CCBE1: variants seen among roughly 807,000 people sequenced by gnomAD.
CCBE1 encodes collagen and calcium binding EGF domains 1.
A neutral mutation model predicts 50.0 loss-of-function variants in CCBE1; 37 were observed. The observed-to-expected ratio is 0.74, with a 90% CI of 0.57 to 0.97. The LOEUF is 0.97. Ranked by LOEUF, CCBE1 falls within the 50% of genes least tolerant of loss-of-function variation. CCBE1 has a pLI of 0.00. For missense variants in CCBE1, 538 were observed against 523.8 expected (o/e 1.03, Z -0.26); for synonymous variants, 234 against 203.7 (o/e 1.15, Z -1.27).
intron 2 of CCBE1, among the ~76,000 whole-genome samples, chr18:59,691,402 TTG>T (rs2054730645): frequency 1.7e-4 from 1 of 5,920 alleles, no homozygotes; most frequent in Non-Finnish European, 1.3e-3. Context: ...ACAAGATTTT[TTG>T]TTTGTTTGTT....
At chr18:59,495,042 G>A (rs1047183593) in intron 2 of CCBE1, among the ~76,000 whole-genome samples, 4 of 152,154 alleles carry the variant, frequency 2.6e-5, no homozygotes, top group African/African-American at 9.7e-5. Context: ...TTGTGGGGCT[G>A]AGGCAGGATA....
intron 2 of CCBE1, among the ~76,000 whole-genome samples, chr18:59,530,435 A>G (rs183540168): frequency 2.0e-5 from 3 of 152,290 alleles, no homozygotes; most frequent in South Asian, 4.1e-4. Context: ...TGGTCACATC[A>G]CTGCTTTTCT....
intron 2 of CCBE1, among the ~76,000 whole-genome samples, chr18:59,695,416 T>A (rs2054792163): frequency 6.6e-6 from 1 of 152,182 alleles, no homozygotes; most frequent in South Asian, 2.1e-4. Context: ...CTCTCTCATT[T>A]TGTTCAGCAT....
intron 2 of CCBE1, among the ~76,000 whole-genome samples, chr18:59,659,729 A>G (rs1340233706): frequency 6.6e-6 from 1 of 152,222 alleles, no homozygotes; most frequent in Non-Finnish European, 1.5e-5. Flanking sequence ...TATGTCATAC[A>G]TAGGTAGAGG....
intron 2 of CCBE1, among the ~76,000 whole-genome samples, chr18:59,575,595 A>G (rs1369292880): frequency 6.6e-6 from 1 of 152,240 alleles, no homozygotes; most frequent in African/African-American, 2.4e-5. Context: ...AGAGAGGAGC[A>G]AGAGAATAAA....
chr18:59,505,723 T>C (rs2143851242), intron 2 of CCBE1, among the ~76,000 whole-genome samples: 1 of 152,358 alleles, frequency 6.6e-6, no homozygotes, highest in East Asian at 1.9e-4. Flanking sequence ...AAAGAGCTTC[T>C]ACAGTTAAAC....
At chr18:59,696,341 C>A in intron 2 of CCBE1, 1 of 618,308 alleles carries the variant, frequency 1.6e-6, no homozygotes, top group Non-Finnish European at 2.6e-6. Context: ...CACCCAAAAT[C>A]CAATCCAATC....
At chr18:59,573,619 C>T (rs983871837) in intron 2 of CCBE1, among the ~76,000 whole-genome samples, 3 of 151,858 alleles carry the variant, frequency 2.0e-5, no homozygotes, top group Non-Finnish European at 4.4e-5. Flanking sequence ...TCTTTTCTCA[C>T]CATTTTAGTT....
At chr18:59,494,596 CA>C (rs1340029646) in intron 2 of CCBE1, among the ~76,000 whole-genome samples, 1 of 151,556 alleles carries the variant, frequency 6.6e-6, no homozygotes, top group African/African-American at 2.4e-5. Flanking sequence ...ATAAAAAAAT[CA>C]GAGAAGTCCA....
chr18:59,501,750 A>T (rs1043425253), intron 2 of CCBE1, among the ~76,000 whole-genome samples: 1 of 152,222 alleles, frequency 6.6e-6, no homozygotes, highest in Non-Finnish European at 1.5e-5. Context: ...CATTTAATGA[A>T]AAGTACTTAT....
chr18:59,502,772 G>A (rs962360297), intron 2 of CCBE1, among the ~76,000 whole-genome samples: 18 of 152,104 alleles, frequency 1.2e-4, no homozygotes, highest in Non-Finnish European at 2.5e-4. Context: ...GGAGCTTTAA[G>A]AGCGCTGTGC....
intron 2 of CCBE1, among the ~76,000 whole-genome samples, chr18:59,634,745 G>C (rs753727829): frequency 1.3e-5 from 2 of 152,144 alleles, no homozygotes; most frequent in Non-Finnish European, 2.9e-5. Flanking sequence ...TGACCAGGGA[G>C]ATTTGAAAAA....
intron 2 of CCBE1, among the ~76,000 whole-genome samples, chr18:59,524,545 G>A (rs576016944): frequency 6.6e-6 from 1 of 152,192 alleles, no homozygotes; most frequent in South Asian, 2.1e-4. Context: ...AAGAAACATA[G>A]ATAAGTAACC....
At chr18:59,636,469 A>G (rs2053918409) in intron 2 of CCBE1, among the ~76,000 whole-genome samples, 1 of 152,214 alleles carries the variant, frequency 6.6e-6, no homozygotes, top group Admixed American at 6.5e-5. Flanking sequence ...CTCTCTAACA[A>G]CTTTTATCCA....
At position 59,491,242 on chromosome 18, in the gene CCBE1, A is replaced by G. The variant is rs1258289049; in HGVS notation, c.213-11004T>C. 2.0e-5 allele frequency among the ~76,000 whole-genome samples: 3 copies of G among 152,306 alleles called. No individual in the cohort carries two copies. In the South Asian group the frequency reaches 6.2e-4, roughly 32 times the overall value. ...TCACCATGGTTACCAAGCATCCTGG[A>G]AAGTTTCTGAACTGTCCCCTTGCCA... On this transcript the variant is annotated intron_variant, in intron 2 of 10. Coordinates refer to ENST00000439986, the MANE Select transcript of CCBE1 (RefSeq NM_133459.4).
In CCBE1 at chr18:59,554,695, CT is replaced by C. The variant is rs1445789055; in HGVS notation, c.213-74458del. ...GGCAGATCTGTTGAATGTTCATGGG[CT>C]ACTTGACTCTCTTCTCTCCCTATTA... is the stretch of plus-strand genomic sequence containing the variant. On this transcript the variant is annotated intron_variant, in intron 2 of 10. Transcript: ENST00000439986. 5.3e-5 allele frequency among the ~76,000 whole-genome samples: 8 copies of C among 152,298 alleles called. No individual in the cohort carries two copies. The East Asian group carries it at 1.5e-3, about 29-fold the overall frequency.
At chr18:59,604,635 G>A (rs1200025663) in intron 2 of CCBE1, among the ~76,000 whole-genome samples, 1 of 152,160 alleles carries the variant, frequency 6.6e-6, no homozygotes, top group Non-Finnish European at 1.5e-5. Flanking sequence ...GCAGATATGG[G>A]AGATTTAGTA....
At chr18:59,648,817 G>A (rs574287055) in intron 2 of CCBE1, among the ~76,000 whole-genome samples, 6 of 152,346 alleles carry the variant, frequency 3.9e-5, no homozygotes, top group Admixed American at 3.3e-4. Flanking sequence ...CCTTGGCTTT[G>A]AACAGGGCCC....
chr18:59,446,339 A>C (rs1030478002), intron 7 of CCBE1, among the ~76,000 whole-genome samples: 2 of 152,208 alleles, frequency 1.3e-5, no homozygotes, highest in African/African-American at 4.8e-5. Flanking sequence ...CCAGAGAAGC[A>C]AAGCAAGAGC....
Sources: allele counts gnomAD v4.1 joint callset (sites outside exome capture counted in the v4.1 genomes callset), GRCh38; gene constraint gnomAD v4.1.1; transcripts MANE v1.5; gene names NCBI Gene and HGNC (gene_info 2026-07-23, HGNC 2026-07-21).